Variants in CA10 observed in about 807,000 individuals in gnomAD.
CA10 encodes the protein carbonic anhydrase 10 (inactive), also known as carbonic anhydrase-related protein 10.
A neutral mutation model predicts 44.2 loss-of-function variants in CA10; 14 were observed. The ratio of observed to expected loss-of-function variants is 0.32; its 90% CI spans 0.21 to 0.50. The LOEUF (loss-of-function observed/expected upper bound fraction) is 0.50. Ranked by LOEUF, CA10 falls within the 20% of genes least tolerant of loss-of-function variation. The pLI, the probability that CA10 is intolerant of heterozygous loss-of-function variation, is 0.99. For synonymous variants in CA10, 159 were observed against 141.6 expected (o/e 1.12, Z -0.87); for missense variants, 350 against 409.7 (o/e 0.85, Z 1.26).
At chr17:51,817,482 C>T (rs1345405412) in intron 3 of CA10, among the ~76,000 whole-genome samples, 1 of 152,122 alleles carries the variant, frequency 6.6e-6, no homozygotes, top group Non-Finnish European at 1.5e-5. Flanking sequence ...GATAAAAAGC[C>T]TGGGAGGATG....
intron 4 of CA10, among the ~76,000 whole-genome samples, chr17:51,709,870 C>T (rs994797933): frequency 6.6e-6 from 1 of 152,120 alleles, no homozygotes; most frequent in African/African-American, 2.4e-5. Flanking sequence ...CTCCTTGCTG[C>T]GTGCAGTGGC....
intron 1 of CA10, among the ~76,000 whole-genome samples, chr17:52,141,791 G>A (rs1340774482): frequency 2.0e-5 from 3 of 152,202 alleles, no homozygotes; most frequent in African/African-American, 7.2e-5. Flanking sequence ...TAAATCAGCA[G>A]AGACTACTGG....
chr17:52,072,094 C>A (rs1987694772), intron 2 of CA10, among the ~76,000 whole-genome samples: 1 of 152,172 alleles, frequency 6.6e-6, no homozygotes, highest in Admixed American at 6.5e-5. Context: ...CATCCCCCTG[C>A]CCCTGAGGGC....
At chr17:51,852,589 G>T (rs1307248389) in intron 3 of CA10, among the ~76,000 whole-genome samples, 1 of 152,122 alleles carries the variant, frequency 6.6e-6, no homozygotes, top group Non-Finnish European at 1.5e-5. Flanking sequence ...TTAAATCCAG[G>T]TCTGAATCTA....
intron 4 of CA10, 101 bp downstream of exon 4, chr17:51,747,532 T>A: frequency 1.0e-6 from 1 of 954,020 alleles, no homozygotes; most frequent in South Asian, 1.9e-5. Context: ...TTTCATAGAT[T>A]AGAGCGAATC....
intron 3 of CA10, among the ~76,000 whole-genome samples, chr17:51,838,991 GT>G (rs1160467803): frequency 6.6e-6 from 1 of 152,124 alleles, no homozygotes; most frequent in Non-Finnish European, 1.5e-5. Flanking sequence ...GATTGATTTT[GT>G]TTTATTTTCA....
intron 3 of CA10, among the ~76,000 whole-genome samples, chr17:51,749,452 C>G (rs1169051900): frequency 6.6e-6 from 1 of 152,170 alleles, no homozygotes; most frequent in Non-Finnish European, 1.5e-5. Flanking sequence ...GAGAGCCATC[C>G]CAGGAGAGGC....
At chr17:51,705,806 A>G (rs901357789) in intron 4 of CA10, among the ~76,000 whole-genome samples, 1 of 152,146 alleles carries the variant, frequency 6.6e-6, no homozygotes, top group Non-Finnish European at 1.5e-5. Flanking sequence ...CTGCTGACGG[A>G]GGGTAGAGGT....
chr17:51,866,147 C>T (rs934264090), intron 3 of CA10, among the ~76,000 whole-genome samples: 2 of 152,316 alleles, frequency 1.3e-5, no homozygotes, highest in East Asian at 1.9e-4. Context: ...CCACTAAGCC[C>T]ATTTCAACTG....
chr17:52,153,992 G>A (rs1989754461), intron 1 of CA10, among the ~76,000 whole-genome samples: 1 of 152,162 alleles, frequency 6.6e-6, no homozygotes, highest in Admixed American at 6.5e-5. Context: ...TGTAGAGATT[G>A]CTGATCCTAA....
chr17:52,139,723 A>C (rs1228565956), intron 1 of CA10, among the ~76,000 whole-genome samples: 1 of 152,160 alleles, frequency 6.6e-6, no homozygotes, highest in African/African-American at 2.4e-5. Context: ...ATCTTAGCTT[A>C]CATCTTAACA....
At chr17:51,717,010 G>A (rs555104307) in intron 4 of CA10, among the ~76,000 whole-genome samples, 3 of 152,174 alleles carry the variant, frequency 2.0e-5, no homozygotes, top group Admixed American at 6.6e-5. Context: ...GCCATCTTTG[G>A]AACCCTCACT....
At chr17:51,841,123 TAAGA>T (rs1471302756) in intron 3 of CA10, among the ~76,000 whole-genome samples, 1 of 152,184 alleles carries the variant, frequency 6.6e-6, no homozygotes, top group Non-Finnish European at 1.5e-5. Flanking sequence ...TGTTTACCCA[TAAGA>T]AAGACTAGCT....
chr17:52,104,524 G>T (rs1317961230), intron 1 of CA10, among the ~76,000 whole-genome samples: 2 of 152,236 alleles, frequency 1.3e-5, no homozygotes, highest in African/African-American at 4.8e-5. Flanking sequence ...GTTCTTAGCT[G>T]TCTTTCTCAA....
chr17:51,918,616 T>C (rs981993077), intron 3 of CA10, among the ~76,000 whole-genome samples: 1 of 152,176 alleles, frequency 6.6e-6, no homozygotes, highest in Non-Finnish European at 1.5e-5. Flanking sequence ...TAACATCCTA[T>C]CAAGTGTTAC....
chr17:52,133,213 C>T (rs1989279238), intron 1 of CA10, among the ~76,000 whole-genome samples: 1 of 152,188 alleles, frequency 6.6e-6, no homozygotes, highest in African/African-American at 2.4e-5. Context: ...TGCCATTCAT[C>T]ACAGCCCATG....
At chr17:51,832,244 A>G (rs1021532647) in intron 3 of CA10, among the ~76,000 whole-genome samples, 3 of 152,196 alleles carry the variant, frequency 2.0e-5, no homozygotes, top group Admixed American at 2.0e-4. Flanking sequence ...GTAACACTCA[A>G]TTCCTGAACA....
intron 4 of CA10, among the ~76,000 whole-genome samples, chr17:51,707,225 C>T (rs1915788791): frequency 6.6e-6 from 1 of 152,138 alleles, no homozygotes; most frequent in Non-Finnish European, 1.5e-5. Flanking sequence ...AGAAACTGTC[C>T]TGGCTTATAA....
chr17:51,957,183 G>A (rs1460451186), intron 2 of CA10, among the ~76,000 whole-genome samples: 1 of 152,108 alleles, frequency 6.6e-6, no homozygotes, highest in East Asian at 1.9e-4. Context: ...AGTAGAACTT[G>A]GATTTATTTC....
Sources: gnomAD v4.1 joint callset for allele counts (sites outside exome capture counted in the v4.1 genomes callset) on GRCh38, gnomAD v4.1.1 for gene constraint, MANE v1.5 for transcripts, NCBI Gene and HGNC (gene_info 2026-07-23, HGNC 2026-07-21) for gene names.